Variants in PRIMA1 observed in about 807,000 individuals in gnomAD.
PRIMA1 encodes the protein proline rich membrane anchor 1.
A neutral mutation model predicts 17.5 loss-of-function variants in PRIMA1; 7 were observed. The ratio of observed to expected loss-of-function variants is 0.40; its 90% CI spans 0.23 to 0.75. The LOEUF (loss-of-function observed/expected upper bound fraction) is 0.75, where lower values mean the gene tolerates loss of function less well. Ranked by LOEUF, PRIMA1 falls within the 30% of genes least tolerant of loss-of-function variation. The pLI is 0.37. For missense variants in PRIMA1, 200 were observed against 201.8 expected, an observed-to-expected ratio of 0.99 and a Z score of 0.05; for synonymous variants, 97 against 77.9, an observed-to-expected ratio of 1.25 and a Z score of -1.29.
Position 93,726,022 on chromosome 14 carries a change from G to A in PRIMA1, c.360-4476C>T. On this transcript the variant is annotated intron_variant, in intron 4 of 4. Transcript: ENST00000393140. This position sits in a 1 kb window ranked among gnomAD's most constrained non-coding sequence, Gnocchi z 4.2. ...GGCATGGTTCCTAGAAACCAAGAGA[G>A]AGGTTAGTGAGACTTTCCTTGGCGG... 2.2e-6 allele frequency: 1 copy of A among 456,622 alleles called. No homozygotes were observed. The highest frequency in any genetic ancestry group is 4.4e-6 in the Non-Finnish European group (1 of 226,926). 28.3% of individuals were successfully genotyped at this position (456,622 alleles called of 1,614,324 possible).
At chr14:93,741,845 T>C (rs757399998) in intron 3 of PRIMA1, among the ~76,000 whole-genome samples, 5 of 151,928 alleles carry the variant, frequency 3.3e-5, no homozygotes, top group Non-Finnish European at 7.4e-5. Context: ...CAGCCAAGAT[T>C]CTGCAAACAC....
chr14:93,755,781 A>C (rs986432316), intron 3 of PRIMA1, among the ~76,000 whole-genome samples: 1 of 152,156 alleles, frequency 6.6e-6, no homozygotes, highest in Admixed American at 6.5e-5. Flanking sequence ...CCTTGGCCCA[A>C]ATCCACTGTG....
chr14:93,742,210 C>T (rs56008423), intron 3 of PRIMA1, among the ~76,000 whole-genome samples: 1,715 of 152,292 alleles, frequency 0.011, 17 homozygotes, highest in Admixed American at 0.019. Context: ...TCCCAAGAGA[C>T]GATGAAACAA....
chr14:93,725,323 G>A (rs578142043), intron 4 of PRIMA1, among the ~76,000 whole-genome samples: 17 of 152,238 alleles, frequency 1.1e-4, no homozygotes, highest in African/African-American at 3.6e-4. Flanking sequence ...GTCATGATCT[G>A]CTCCCCTCCT....
intron 4 of PRIMA1, among the ~76,000 whole-genome samples, chr14:93,721,777 G>A (rs1213266564): frequency 6.6e-6 from 1 of 152,198 alleles, no homozygotes; most frequent in African/African-American, 2.4e-5. Context: ...CCGGGGCACA[G>A]TTGAGAGGGA....
At chr14:93,757,896 G>T (rs1005851843) in intron 3 of PRIMA1, among the ~76,000 whole-genome samples, 6 of 152,184 alleles carry the variant, frequency 3.9e-5, no homozygotes, top group Non-Finnish European at 5.9e-5. Flanking sequence ...CTTCTAAGAG[G>T]AACACATGAC....
chr14:93,763,397 C>T (rs530000059), intron 3 of PRIMA1, among the ~76,000 whole-genome samples: 1 of 152,300 alleles, frequency 6.6e-6, no homozygotes, highest in Admixed American at 6.5e-5. Context: ...GGGAGGCCAG[C>T]TCACCCTTCT....
At chr14:93,724,341 G>A (rs779553502) in intron 4 of PRIMA1, among the ~76,000 whole-genome samples, 1 of 152,182 alleles carries the variant, frequency 6.6e-6, no homozygotes, top group African/African-American at 2.4e-5. Flanking sequence ...TTATGTAGAC[G>A]CTAACAGATA....
At chr14:93,787,814 A>G in intron 1 of PRIMA1, 65 bp from the exon 2 acceptor site, 1 of 1,487,132 alleles carries the variant, frequency 6.7e-7, no homozygotes. Flanking sequence ...CCGCGCACCA[A>G]TATACCTCCC....
intron 3 of PRIMA1, among the ~76,000 whole-genome samples, chr14:93,750,654 C>G (rs1453647017): frequency 6.6e-6 from 1 of 152,170 alleles, no homozygotes; most frequent in Non-Finnish European, 1.5e-5. Context: ...TACACTATCT[C>G]GCCTTTTACA....
At position 93,778,148 on chromosome 14, in the gene PRIMA1, C is replaced by G. The variant is rs1885275679; in HGVS notation, c.229+1028G>C. On this transcript the variant is annotated intron_variant, in intron 3 of 4. Coordinates refer to ENST00000393140, the MANE Select transcript of PRIMA1 (RefSeq NM_178013.4). ...TCAGAACCTGTAATTGTGACGATTC[C>G]CAAGTCTCACCCCAAAAACTCTGGC... 1.3e-5 allele frequency among the ~76,000 whole-genome samples: 2 copies of G among 152,158 alleles called. 1 individual carries two copies. The highest frequency in any genetic ancestry group is 4.2e-4 in the South Asian group (2 of 4,818).
intron 4 of PRIMA1, among the ~76,000 whole-genome samples, chr14:93,732,047 C>T (rs745347432): frequency 1.9e-4 from 29 of 152,228 alleles, no homozygotes; most frequent in Non-Finnish European, 3.4e-4. Flanking sequence ...TCAGCCAAAC[C>T]GTCCTGAGAC....
chr14:93,723,942 T>C (rs2076058956), intron 4 of PRIMA1, among the ~76,000 whole-genome samples: 3 of 152,298 alleles, frequency 2.0e-5, no homozygotes, highest in Admixed American at 6.5e-5. Flanking sequence ...GCCTAGGCAG[T>C]GGCAACATCA....
Position 93,787,681 on chromosome 14 carries a change from C to G in PRIMA1, c.38G>C (p.Cys13Ser). 1 of 1,544,482 alleles carries G rather than the reference C, an allele frequency of 6.5e-7. No individual in the cohort carries two copies. Among genetic ancestry groups the G allele is most frequent in the Non-Finnish European group, 8.7e-7 (1 of 1,146,788 alleles). Residue 13 changes from cysteine (C) to serine (S), a missense_variant, in exon 2 of 5, where the codon TGC becomes TCC. Coordinates refer to ENST00000393140, the MANE Select transcript of PRIMA1 (RefSeq NM_178013.4). ...LRDLVLRRGC[C>S]WSSLLLHCAL... ...GCAGTGCAGCAGCAGCGAGGACCAGCAGCAGCCACGGCGCAGCACCAAGTC... is the reference window on the plus strand; with the variant it reads ...GCAGTGCAGCAGCAGCGAGGACCAGGAGCAGCCACGGCGCAGCACCAAGTC...
chr14:93,769,931 C>T (rs1885007822), intron 3 of PRIMA1, among the ~76,000 whole-genome samples: 1 of 152,178 alleles, frequency 6.6e-6, no homozygotes, highest in African/African-American at 2.4e-5. Flanking sequence ...TCTGCTTCAT[C>T]ATCCCATTCA....
At chr14:93,757,627 G>A (rs940515334) in intron 3 of PRIMA1, among the ~76,000 whole-genome samples, 1 of 152,088 alleles carries the variant, frequency 6.6e-6, no homozygotes, top group East Asian at 1.9e-4. Context: ...GGTGACAGCT[G>A]GCCTCTTCCT....
rs566003730 is a variant in PRIMA1, at chr14:93,747,272, C to T, written c.230-9902G>A. On this transcript the variant is annotated intron_variant, in intron 3 of 4. Coordinates refer to ENST00000393140, the MANE Select transcript of PRIMA1 (RefSeq NM_178013.4). Reference sequence around the variant, plus strand: ...CAGGAGGAGGGGAGGTCAAGTGTGTCCACCGCAGCTGATGGTCAAGTACAG... The same window carrying T: ...CAGGAGGAGGGGAGGTCAAGTGTGTTCACCGCAGCTGATGGTCAAGTACAG... 5.9e-5 allele frequency among the ~76,000 whole-genome samples: 9 copies of T among 152,290 alleles called. 1 individual carries two copies. In the South Asian group the frequency reaches 1.9e-3, roughly 32 times the overall value.
chr14:93,757,275 C>T (rs2076297494), intron 3 of PRIMA1, among the ~76,000 whole-genome samples: 1 of 152,134 alleles, frequency 6.6e-6, no homozygotes, highest in Non-Finnish European at 1.5e-5. Flanking sequence ...GGCTGCCCCT[C>T]TGACACGGCC....
chr14:93,748,338 G>A (rs537277620), intron 3 of PRIMA1, among the ~76,000 whole-genome samples: 1 of 152,124 alleles, frequency 6.6e-6, no homozygotes, highest in Non-Finnish European at 1.5e-5. Context: ...ACCTGTGACG[G>A]CTGCATAGAC....
Sources: gnomAD v4.1 joint callset for allele counts (sites outside exome capture counted in the v4.1 genomes callset) on GRCh38, gnomAD v4.1.1 for gene constraint, Gnocchi (gnomAD v3.1) non-coding constraint, MANE v1.5 for transcripts, NCBI Gene and HGNC (gene_info 2026-07-23, HGNC 2026-07-21) for gene names.